GALNT18: variants seen among roughly 807,000 people sequenced by gnomAD.
GALNT18 encodes GalNAc-transferase 18.
In GALNT18, 44 loss-of-function variants were observed where a neutral mutation model predicts 69.5. The observed-to-expected ratio is 0.63, with a 90% CI of 0.50 to 0.81. The LOEUF (loss-of-function observed/expected upper bound fraction) is 0.81, where lower values mean the gene tolerates loss of function less well. GALNT18 is among the 40% of genes least tolerant of loss of function. The probability of loss-of-function intolerance (pLI) is 0.00; values close to 1 mark genes in which losing one functional copy is unlikely to be tolerated. For synonymous variants in GALNT18, 364 were observed against 318.2 expected, an observed-to-expected ratio of 1.14 and a Z score of -1.53; for missense variants, 715 against 810.0, an observed-to-expected ratio of 0.88 and a Z score of 1.42.
At chr11:11,406,432 T>C (rs148756750) in intron 3 of GALNT18, among the ~76,000 whole-genome samples, 184 of 152,358 alleles carry the variant, frequency 1.2e-3, no homozygotes, top group African/African-American at 4.3e-3. Context: ...TCTGTCTCCA[T>C]AGGGCTAACT....
intron 1 of GALNT18, among the ~76,000 whole-genome samples, chr11:11,552,830 T>C (rs1039718016): frequency 6.6e-6 from 1 of 152,064 alleles, no homozygotes; most frequent in South Asian, 2.1e-4. Flanking sequence ...AACAGCCTGG[T>C]TTATTAAATA....
At chr11:11,336,426 T>C (rs148522895) in intron 7 of GALNT18, among the ~76,000 whole-genome samples, 1 of 152,262 alleles carries the variant, frequency 6.6e-6, no homozygotes, top group East Asian at 1.9e-4. Context: ...GGAAGGAAAG[T>C]ACAGGGCATA....
At position 11,323,390 on chromosome 11, in the gene GALNT18, G is replaced by A. The variant is rs76996363; in HGVS notation, c.1512+3696C>T. On this transcript the variant is annotated intron_variant, in intron 9 of 10. Transcript: ENST00000227756. Reference sequence around the variant, plus strand: ...ATTCTCATTCCAGAAGGAGAAATCAGAATGAAGGAGAGTGATGAGTCCCAA... The same window carrying A: ...ATTCTCATTCCAGAAGGAGAAATCAAAATGAAGGAGAGTGATGAGTCCCAA... Among the ~76,000 whole-genome samples, 788 of 152,348 alleles carry A rather than the reference G, an allele frequency of 5.2e-3. 6 individuals carry two copies. Among genetic ancestry groups the A allele is most frequent in the African/African-American group, 0.018 (757 of 41,566 alleles).
In GALNT18 at chr11:11,604,813, G is replaced by A. The variant is rs540567339; in HGVS notation, c.235+16546C>T. Among the ~76,000 whole-genome samples, 38 of 152,134 alleles carry A rather than the reference G, an allele frequency of 2.5e-4. No homozygotes were observed. The highest frequency in any genetic ancestry group is 3.4e-4 in the African/African-American group (14 of 41,490). On this transcript the variant is annotated intron_variant, in intron 1 of 10. Coordinates refer to ENST00000227756, the MANE Select transcript of GALNT18 (RefSeq NM_198516.3). The surrounding 1 kb of genome is among the most constrained non-coding windows in gnomAD (Gnocchi z 5.6). ...TGCAGGGAGGCATAATTAGTTTCCC[G>A]GCCCATAGCTTCATTCCACTGGTCC...
intron 1 of GALNT18, among the ~76,000 whole-genome samples, chr11:11,556,901 T>G (rs1422276746): frequency 6.6e-6 from 1 of 152,208 alleles, no homozygotes; most frequent in Non-Finnish European, 1.5e-5. Context: ...AGAAAATCCA[T>G]TTTTCTATCT....
rs951000535 is a variant in GALNT18 at position 11,620,165 on chromosome 11, A to G, written c.235+1194T>C. ...GGGTGGGGGGTAAGCCTTCAGTTCA[A>G]TTCGATTTTGCCAAGGTCTGCCATG... On this transcript the variant is annotated intron_variant, in intron 1 of 10. Coordinates refer to ENST00000227756, the MANE Select transcript of GALNT18 (RefSeq NM_198516.3). The surrounding 1 kb of genome is among the most constrained non-coding windows in gnomAD (Gnocchi z 6.9). 2.6e-5 allele frequency among the ~76,000 whole-genome samples: 4 copies of G among 151,710 alleles called. No homozygotes were observed. The highest frequency in any genetic ancestry group is 4.4e-5 in the Non-Finnish European group (3 of 67,902).
chr11:11,485,728 T>C (rs974083977), intron 1 of GALNT18, among the ~76,000 whole-genome samples: 2 of 152,030 alleles, frequency 1.3e-5, no homozygotes, highest in Non-Finnish European at 2.9e-5. Flanking sequence ...TTGACCTTCA[T>C]GGGCCAGCAT....
In GALNT18 at chr11:11,555,303, C is replaced by T. The variant is rs1858304356; in HGVS notation, c.235+66056G>A. On this transcript the variant is annotated intron_variant, in intron 1 of 10. Coordinates refer to ENST00000227756, the MANE Select transcript of GALNT18 (RefSeq NM_198516.3). This position sits in a 1 kb window ranked among gnomAD's most constrained non-coding sequence, Gnocchi z 4.7. ...GGTTCTCTGTTTTCAGGAGATCTAG[C>T]TAGAGAGCATTTTCCTGACACAGTG... is the stretch of plus-strand genomic sequence containing the variant. Among the ~76,000 whole-genome samples the T allele has an allele frequency of 6.6e-6, 1 of 152,184 alleles. No individual in the cohort carries two copies. Among genetic ancestry groups the T allele is most frequent in the African/African-American group, 2.4e-5 (1 of 41,448 alleles).
chr11:11,273,765 C>G lies in GALNT18; in HGVS notation c.1678-2475G>C, dbSNP rs7948918. Among the ~76,000 whole-genome samples the G allele has an allele frequency of 1.3e-4, 20 of 152,118 alleles. No homozygotes were observed. The South Asian group carries it at 4.1e-3, about 32-fold the overall frequency. On this transcript the variant is annotated intron_variant, in intron 10 of 10. Transcript: ENST00000227756. Reference sequence around the variant, plus strand: ...CTCCCATGTTTATTGCAGCACTATTCGCAATAGACAACATATGGAATCAAC... The same window carrying G: ...CTCCCATGTTTATTGCAGCACTATTGGCAATAGACAACATATGGAATCAAC...
In GALNT18 at chr11:11,619,473, T is replaced by C. The variant is rs1860133997; in HGVS notation, c.235+1886A>G. On this transcript the variant is annotated intron_variant, in intron 1 of 10. Coordinates refer to ENST00000227756, the MANE Select transcript of GALNT18 (RefSeq NM_198516.3). This position sits in a 1 kb window ranked among gnomAD's most constrained non-coding sequence, Gnocchi z 4.9. ...CATGTGACATGGTCCACATTCCACATGACTGGCACCCACTCCGTTACAGGC... is the reference window on the plus strand; with the variant it reads ...CATGTGACATGGTCCACATTCCACACGACTGGCACCCACTCCGTTACAGGC... Among the ~76,000 whole-genome samples the C allele has an allele frequency of 1.3e-5, 2 of 152,282 alleles. No homozygotes were observed. The highest frequency in any genetic ancestry group is 4.1e-4 in the South Asian group (2 of 4,824).
intron 10 of GALNT18, among the ~76,000 whole-genome samples, chr11:11,285,188 C>A (rs1460421628): frequency 1.3e-5 from 2 of 151,988 alleles, no homozygotes; most frequent in African/African-American, 4.8e-5. Context: ...TTGCAGCGAT[C>A]CACTGGTTTT....
At chr11:11,414,436 G>T (rs752411561) in intron 3 of GALNT18, among the ~76,000 whole-genome samples, 1 of 152,096 alleles carries the variant, frequency 6.6e-6, no homozygotes, top group Non-Finnish European at 1.5e-5. Flanking sequence ...GTGGCTCTGA[G>T]ACCATGTTAC....
At chr11:11,549,322 T>C (rs1029504859) in intron 1 of GALNT18, among the ~76,000 whole-genome samples, 9 of 152,242 alleles carry the variant, frequency 5.9e-5, no homozygotes, top group African/African-American at 2.2e-4. Flanking sequence ...AATACACTTC[T>C]ATCTTGCTTA....
rs112718771 is a variant in GALNT18, at chr11:11,614,508, A to C, written c.235+6851T>G. Among the ~76,000 whole-genome samples the C allele has an allele frequency of 5.3e-4, 80 of 152,286 alleles. No homozygotes were observed. Among genetic ancestry groups the C allele is most frequent in the African/African-American group, 1.8e-3 (76 of 41,566 alleles). Reference sequence around the variant, plus strand: ...CAAGCCATTCATACAAACACCTCCCACTAGGCCCCACCTCAAACACTGGGG... The same window carrying C: ...CAAGCCATTCATACAAACACCTCCCCCTAGGCCCCACCTCAAACACTGGGG... On this transcript the variant is annotated intron_variant, in intron 1 of 10. Transcript: ENST00000227756. The surrounding 1 kb of genome is among the most constrained non-coding windows in gnomAD (Gnocchi z 5.6).
At chr11:11,334,131 T>C (rs932514767) in intron 7 of GALNT18, among the ~76,000 whole-genome samples, 2 of 152,162 alleles carry the variant, frequency 1.3e-5, no homozygotes, top group Non-Finnish European at 2.9e-5. Context: ...GGGATTGAGT[T>C]ACTGAGGTTG....
In GALNT18 at chr11:11,511,704, C is replaced by A. The variant is rs767241280; in HGVS notation, c.236-62768G>T. ...AGGTGATTGGATCATAAGGGTGGAG[C>A]CCTCATCAATGGTATATTGGTGCCC... is the stretch of plus-strand genomic sequence containing the variant. On this transcript the variant is annotated intron_variant, in intron 1 of 10. Coordinates refer to ENST00000227756, the MANE Select transcript of GALNT18 (RefSeq NM_198516.3). The surrounding 1 kb of genome is among the most constrained non-coding windows in gnomAD (Gnocchi z 4.9). Among the ~76,000 whole-genome samples the A allele has an allele frequency of 5.3e-5, 8 of 152,100 alleles. No individual in the cohort carries two copies. Among genetic ancestry groups the A allele is most frequent in the Non-Finnish European group, 1.2e-4 (8 of 68,026 alleles).
At position 11,430,634 on chromosome 11, in the gene GALNT18, A is replaced by G. The variant is rs1449803816; in HGVS notation, c.595+1987T>C. The stretch of plus-strand genomic sequence containing the variant: ...CTGCCTGCCTCTTCTGGGGCAATGC[A>G]TTGCCATCCTCTGAATCACCCTGGC... On this transcript the variant is annotated intron_variant, in intron 3 of 10. Transcript: ENST00000227756. This position sits in a 1 kb window ranked among gnomAD's most constrained non-coding sequence, Gnocchi z 4.9. Among the ~76,000 whole-genome samples the G allele has an allele frequency of 6.6e-6, 1 of 152,172 alleles. No individual in the cohort carries two copies. The highest frequency in any genetic ancestry group is 6.5e-5 in the Admixed American group (1 of 15,278).
intron 10 of GALNT18, among the ~76,000 whole-genome samples, chr11:11,279,851 G>A (rs1849031548): frequency 6.6e-6 from 1 of 152,148 alleles, no homozygotes; most frequent in Non-Finnish European, 1.5e-5. Flanking sequence ...CCATGGAGTT[G>A]AAAGTGTGTA....
intron 7 of GALNT18, among the ~76,000 whole-genome samples, chr11:11,336,999 G>A (rs1320086995): frequency 6.6e-6 from 1 of 152,112 alleles, no homozygotes; most frequent in Non-Finnish European, 1.5e-5. Flanking sequence ...GGGCTTCCTG[G>A]AGTAAGCAAC....
Sources: gnomAD v4.1 joint callset for allele counts (sites outside exome capture counted in the v4.1 genomes callset) on GRCh38, gnomAD v4.1.1 for gene constraint, Gnocchi (gnomAD v3.1) non-coding constraint, MANE v1.5 for transcripts, NCBI Gene and HGNC (gene_info 2026-07-23, HGNC 2026-07-21) for gene names.